The following PEAK1 variants were observed in gnomAD, a reference collection of about 807,000 sequenced individuals.
PEAK1 encodes the protein pseudopodium enriched atypical kinase 1.
PEAK1 carries 54 observed loss-of-function variants against 124.7 expected under a neutral mutation model. The observed-to-expected ratio is 0.43, with a 90% CI of 0.35 to 0.54. The LOEUF is 0.54. PEAK1 is among the 20% of genes least tolerant of loss of function. The pLI is 0.01. For missense variants in PEAK1, 2,046 were observed against 2,134.5 expected, an observed-to-expected ratio of 0.96 and a Z score of 0.82; for synonymous variants, 719 against 760.0, an observed-to-expected ratio of 0.95 and a Z score of 0.89.
At position 77,266,074 on chromosome 15, in the gene PEAK1, G is replaced by A. The variant is rs1330597605; in HGVS notation, c.-274-13548C>T. 3.3e-5 allele frequency among the ~76,000 whole-genome samples: 5 copies of A among 152,154 alleles called. No individual in the cohort carries two copies. The East Asian group carries it at 7.7e-4, about 24-fold the overall frequency. On this transcript the variant is annotated intron_variant, in intron 5 of 9. Coordinates refer to ENST00000682557, the MANE Select transcript of PEAK1 (RefSeq NM_001385026.1). ...CAATGAGAACACATGGACACAGGAA[G>A]GGGAACATCACACTCTGGGGACTGT... is the stretch of plus-strand genomic sequence containing the variant.
rs1456036630 is a variant in PEAK1 at position 77,239,697 on chromosome 15, T to C, written c.-115+12670A>G. 9.1e-6 allele frequency: 3 copies of C among 328,800 alleles called. No homozygotes were observed. The East Asian group carries it at 5.1e-4, about 56-fold the overall frequency. 20.4% of individuals were successfully genotyped at this position (328,800 alleles called of 1,614,324 possible). ...AATGACTAAAATTTAATTCCAGATG[T>C]CACAGGAGCTGACAATCATTACCAG... On this transcript the variant is annotated intron_variant, in intron 6 of 9. Transcript: ENST00000682557.
chr15:77,296,566 AT>A (rs2063496676), intron 2 of PEAK1, among the ~76,000 whole-genome samples: 5 of 151,736 alleles, frequency 3.3e-5, no homozygotes, highest in Admixed American at 3.3e-4. Flanking sequence ...GTGAGCCAAG[AT>A]CACGCCACTG....
chr15:77,234,657 T>C (rs954619203), intron 6 of PEAK1, among the ~76,000 whole-genome samples: 3 of 151,942 alleles, frequency 2.0e-5, no homozygotes, highest in African/African-American at 7.3e-5. Context: ...GATACTGAGA[T>C]TACAGAAAAT....
intron 7 of PEAK1, among the ~76,000 whole-genome samples, chr15:77,162,281 GT>G (rs1202627226): frequency 2.0e-5 from 3 of 151,892 alleles, no homozygotes; most frequent in Non-Finnish European, 4.4e-5. Flanking sequence ...ATCACCTGAG[GT>G]CAGGGGTTCG....
intron 5 of PEAK1, among the ~76,000 whole-genome samples, chr15:77,272,475 A>G (rs1192830511): frequency 6.6e-6 from 1 of 152,190 alleles, no homozygotes; most frequent in Non-Finnish European, 1.5e-5. Context: ...CAAGGCTACT[A>G]TGAACACCTC....
intron 1 of PEAK1, chr15:77,402,295 G>A: frequency 2.0e-6 from 2 of 985,042 alleles, no homozygotes; most frequent in Non-Finnish European, 2.4e-6. Flanking sequence ...GCTTTAAAAT[G>A]CATATCTAGA....
intron 2 of PEAK1, chr15:77,347,493 T>C: frequency 2.0e-6 from 2 of 985,410 alleles, no homozygotes; most frequent in Non-Finnish European, 2.4e-6. Flanking sequence ...GACAAGGTGA[T>C]ATCTGAGGCT....
chr15:77,401,474 T>C (rs563155611), intron 1 of PEAK1: 2 of 936,766 alleles, frequency 2.1e-6, no homozygotes, highest in South Asian at 9.9e-5. Flanking sequence ...ACAGTCAATC[T>C]GCACTAGTCA....
At chr15:77,290,911 C>T (rs990344080) in intron 2 of PEAK1, among the ~76,000 whole-genome samples, 4 of 152,074 alleles carry the variant, frequency 2.6e-5, no homozygotes, top group African/African-American at 7.2e-5. Context: ...AATCAGCCAC[C>T]CCAAACTGAA....
intron 7 of PEAK1, among the ~76,000 whole-genome samples, chr15:77,176,515 G>A (rs1239557767): frequency 6.6e-6 from 1 of 152,106 alleles, no homozygotes; most frequent in Non-Finnish European, 1.5e-5. Flanking sequence ...AACTCCAGGG[G>A]TGGGGATCAG....
intron 2 of PEAK1, among the ~76,000 whole-genome samples, chr15:77,342,423 T>C (rs1035337405): frequency 6.7e-6 from 1 of 149,732 alleles, no homozygotes; most frequent in Non-Finnish European, 1.5e-5. Context: ...TTTTTTTTTT[T>C]TGAGACAGGT....
rs370800451 is a variant in PEAK1 at position 77,115,132 on chromosome 15, T to C, written c.4265A>G (p.Glu1422Gly). 30 of 1,614,006 alleles carry C rather than the reference T, an allele frequency of 1.9e-5. No individual in the cohort carries two copies. The highest frequency in any genetic ancestry group is 2.5e-5 in the Non-Finnish European group (30 of 1,180,020). ...EKDEDDMEETEEDAKGETDGK... is the reference protein window; with the variant it reads ...EKDEDDMEETGEDAKGETDGK... ...ATCCGTTTCTCCTTTGGCGTCTTCTTCAGTCTCTTCCATGTCATCCTCATC... is the reference window on the plus strand; with the variant it reads ...ATCCGTTTCTCCTTTGGCGTCTTCTCCAGTCTCTTCCATGTCATCCTCATC... Residue 1422 changes from glutamate (E) to glycine (G), a missense_variant, in exon 10 of 10, where the codon GAA becomes GGA. Glu to Gly is a moderately conservative substitution (Grantham distance 98). Transcript: ENST00000682557.
chr15:77,313,631 A>AATGTATGT (rs200543732), intron 2 of PEAK1, among the ~76,000 whole-genome samples: 2 of 124,234 alleles, frequency 1.6e-5, no homozygotes, highest in Admixed American at 8.0e-5. Context: ...CATGCCCAGT[A>AATGTATGT]ATGTATGTAT....
chr15:77,419,305 G>C (rs1052497586), intron 1 of PEAK1: 2 of 985,278 alleles, frequency 2.0e-6, no homozygotes, highest in African/African-American at 3.5e-5. Context: ...TGCGACGAGA[G>C]GGGAGGGGGC....
intron 2 of PEAK1, among the ~76,000 whole-genome samples, chr15:77,319,975 A>G (rs1161854417): frequency 6.6e-6 from 1 of 152,212 alleles, no homozygotes; most frequent in Non-Finnish European, 1.5e-5. Context: ...TATTATAAAT[A>G]ACAAAATGCC....
At position 77,178,933 on chromosome 15, in the gene PEAK1, G is replaced by A; in HGVS notation, c.2994C>T (p.Gly998=). The change falls in exon 7 of 10, where the codon GGC becomes GGT. Residue 998 remains glycine (G), a synonymous_variant. Transcript: ENST00000682557. The stretch of plus-strand genomic sequence containing the variant: ...CCTTGCTCTGATCCACACTGAGCTG[G>A]CCTTGAGCAGGGTCGCACCTGTACA... ...VFMYRCDPAQ[G]QLSVDQSKAR... 6.2e-7 allele frequency: 1 copy of A among 1,614,058 alleles called. No individual in the cohort carries two copies.
At chr15:77,376,475 A>C (rs1597498532) in intron 1 of PEAK1, among the ~76,000 whole-genome samples, 1 of 152,168 alleles carries the variant, frequency 6.6e-6, no homozygotes, top group Non-Finnish European at 1.5e-5. Flanking sequence ...TCTCCTCCTC[A>C]TATTGTGGCT....
intron 9 of PEAK1, among the ~76,000 whole-genome samples, chr15:77,120,664 G>A (rs961710663): frequency 6.6e-6 from 1 of 152,060 alleles, no homozygotes; most frequent in Admixed American, 6.6e-5. Flanking sequence ...TGATCCCCTC[G>A]AATACATCTT....
At chr15:77,310,193 T>G (rs554238535) in intron 2 of PEAK1, among the ~76,000 whole-genome samples, 5 of 152,148 alleles carry the variant, frequency 3.3e-5, no homozygotes, top group Admixed American at 6.6e-5. Context: ...CCTACGACTT[T>G]GTGATATATG....
Sources: gnomAD v4.1 joint callset for allele counts (sites outside exome capture counted in the v4.1 genomes callset) on GRCh38, gnomAD v4.1.1 for gene constraint, MANE v1.5 for transcripts, NCBI Gene and HGNC (gene_info 2026-07-23, HGNC 2026-07-21) for gene names.